TENM4: variants seen among roughly 807,000 people sequenced by gnomAD.
The protein encoded by TENM4 is teneurin-4.
In TENM4, 82 loss-of-function variants were observed where a neutral mutation model predicts 243.3. The observed-to-expected ratio is 0.34, with a 90% CI of 0.28 to 0.40. The LOEUF is 0.40. Among genes scored for constraint, TENM4 ranks in the 10% least tolerant of loss-of-function variants. TENM4 has a pLI of 1.00. For synonymous variants in TENM4, 1,412 were observed against 1,456.3 expected (o/e 0.97, Z 0.69); for missense variants, 3,138 against 3,673.3 (o/e 0.85, Z 3.77).
chr11:78,700,043 A>G (rs4280017), intron 28 of TENM4, among the ~76,000 whole-genome samples: 23,676 of 152,276 alleles, frequency 0.16, 2,044 homozygotes, highest in Admixed American at 0.2. Context: ...AAAGGAATTT[A>G]GCCAGTGAAC....
chr11:78,950,993 C>T (rs966169587), intron 6 of TENM4, among the ~76,000 whole-genome samples: 1 of 152,216 alleles, frequency 6.6e-6, no homozygotes, highest in African/African-American at 2.4e-5. Context: ...TGATCAGGCC[C>T]TCTTTGATTC....
At chr11:79,344,853 A>G (rs1052866968) in intron 1 of TENM4, among the ~76,000 whole-genome samples, 1 of 152,180 alleles carries the variant, frequency 6.6e-6, no homozygotes, top group African/African-American at 2.4e-5. Flanking sequence ...AATTCATCTT[A>G]TTTACCATCT....
At chr11:78,862,769 C>T (rs1858855440) in intron 10 of TENM4, among the ~76,000 whole-genome samples, 193 bp downstream of exon 10, 1 of 152,188 alleles carries the variant, frequency 6.6e-6, no homozygotes, top group African/African-American at 2.4e-5. Flanking sequence ...CACGAACTCT[C>T]AGTGACAAGG....
intron 4 of TENM4, among the ~76,000 whole-genome samples, chr11:79,122,797 T>G (rs1861769916): frequency 6.6e-6 from 1 of 152,172 alleles, no homozygotes. Context: ...CCACACCCTG[T>G]GAAAAGCATT....
chr11:78,662,600 G>A (rs956278052), intron 32 of TENM4, among the ~76,000 whole-genome samples: 1 of 152,104 alleles, frequency 6.6e-6, no homozygotes, highest in Non-Finnish European at 1.5e-5. Context: ...TTAGGTGTGG[G>A]GATAGATAGG....
At chr11:79,171,894 C>T (rs115802761) in intron 3 of TENM4, among the ~76,000 whole-genome samples, 1,928 of 152,262 alleles carry the variant, frequency 0.013, 49 homozygotes, top group African/African-American at 0.045. Flanking sequence ...GCTGGGGTAA[C>T]CAAGTACTTT....
chr11:78,838,079 T>C (rs1858159037), intron 12 of TENM4, among the ~76,000 whole-genome samples: 1 of 152,208 alleles, frequency 6.6e-6, no homozygotes, highest in South Asian at 2.1e-4. Flanking sequence ...GCAGCCTCAA[T>C]GGGATTGGAT....
chr11:78,818,222 T>C (rs1409801773), intron 12 of TENM4, among the ~76,000 whole-genome samples: 4 of 152,174 alleles, frequency 2.6e-5, no homozygotes, highest in African/African-American at 9.7e-5. Flanking sequence ...CCTAATAAAA[T>C]TACTATAAAT....
At chr11:79,098,221 ACC>A (rs5792836) in intron 4 of TENM4, among the ~76,000 whole-genome samples, 35 of 121,232 alleles carry the variant, frequency 2.9e-4, no homozygotes, top group African/African-American at 9.7e-4. Context: ...TGTCTCCCCC[ACC>A]CCCCCCCATC....
chr11:79,212,382 C>A (rs998794383), intron 3 of TENM4, among the ~76,000 whole-genome samples: 1 of 152,220 alleles, frequency 6.6e-6, no homozygotes, highest in Non-Finnish European at 1.5e-5. Flanking sequence ...TTTCCAGGAA[C>A]CCCTGTTTCT....
intron 9 of TENM4, among the ~76,000 whole-genome samples, chr11:78,876,102 C>A (rs533542715): frequency 1.3e-5 from 2 of 152,100 alleles, no homozygotes; most frequent in Non-Finnish European, 2.9e-5. Context: ...CCATTCCAGC[C>A]GAACAAGTTA....
chr11:79,016,028 T>C (rs1858765570), intron 6 of TENM4, among the ~76,000 whole-genome samples: 1 of 152,096 alleles, frequency 6.6e-6, no homozygotes, highest in Admixed American at 6.6e-5. Flanking sequence ...ACCAAGGTAC[T>C]GAGAGTGTGG....
intron 18 of TENM4, among the ~76,000 whole-genome samples, chr11:78,764,759 G>A (rs1315579831): frequency 6.6e-6 from 1 of 152,212 alleles, no homozygotes; most frequent in Non-Finnish European, 1.5e-5. Flanking sequence ...CGCCTCTAAA[G>A]GATTTGGTGT....
At chr11:79,368,147 G>C (rs1013253787) in intron 1 of TENM4, among the ~76,000 whole-genome samples, 60 of 152,206 alleles carry the variant, frequency 3.9e-4, no homozygotes, top group Non-Finnish European at 8.2e-4. Context: ...GACTGGGTCA[G>C]TCTCATCACT....
At chr11:79,100,104 C>T (rs368289336) in intron 4 of TENM4, among the ~76,000 whole-genome samples, 42 of 152,298 alleles carry the variant, frequency 2.8e-4, no homozygotes, top group African/African-American at 9.1e-4. Flanking sequence ...CCCCTGAGCA[C>T]GTTTCCCTGT....
At chr11:79,204,037 G>T (rs1457757305) in intron 3 of TENM4, among the ~76,000 whole-genome samples, 1 of 152,204 alleles carries the variant, frequency 6.6e-6, no homozygotes, top group East Asian at 1.9e-4. Context: ...ATCCACAGGT[G>T]CAGAAAAGAG....
chr11:79,015,989 A>C (rs1230642818), intron 6 of TENM4, among the ~76,000 whole-genome samples: 1 of 152,172 alleles, frequency 6.6e-6, no homozygotes, highest in Non-Finnish European at 1.5e-5. Context: ...ATATGTGTAA[A>C]AGCCAAAGGC....
At chr11:78,759,117 T>A (rs1856378628) in intron 18 of TENM4, among the ~76,000 whole-genome samples, 1 of 152,098 alleles carries the variant, frequency 6.6e-6, no homozygotes, top group East Asian at 1.9e-4. Flanking sequence ...ACCTGCTAGA[T>A]TCACTCTGAG....
At chr11:79,250,218 C>G (rs1855586604) in intron 2 of TENM4, among the ~76,000 whole-genome samples, 1 of 152,236 alleles carries the variant, frequency 6.6e-6, no homozygotes, top group Admixed American at 6.5e-5. Context: ...AACTTCTGGT[C>G]TCAAGTGATC....
Sources: allele counts gnomAD v4.1 joint callset (sites outside exome capture counted in the v4.1 genomes callset), GRCh38; gene constraint gnomAD v4.1.1; transcripts MANE v1.5; gene names NCBI Gene and HGNC (gene_info 2026-07-23, HGNC 2026-07-21).